The following PPP2R2B variants were observed in gnomAD, a reference collection of about 807,000 sequenced individuals.
The protein encoded by PPP2R2B is protein phosphatase 2 regulatory subunit Bbeta.
A neutral mutation model predicts 46.0 loss-of-function variants in PPP2R2B; 5 were observed. The ratio of observed to expected loss-of-function variants is 0.11; its 90% CI spans 0.06 to 0.23. The LOEUF is 0.23. Ranked by LOEUF, PPP2R2B falls within the 10% of genes least tolerant of loss-of-function variation. The pLI is 1.00. For synonymous variants in PPP2R2B, 215 were observed against 206.7 expected, an observed-to-expected ratio of 1.04 and a Z score of -0.34; for missense variants, 367 against 575.0, an observed-to-expected ratio of 0.64 and a Z score of 3.70.
intron 8 of PPP2R2B, among the ~76,000 whole-genome samples, chr5:146,594,435 G>C (rs2112778): frequency 3.3e-5 from 5 of 152,208 alleles, no homozygotes; most frequent in Non-Finnish European, 7.3e-5. Context: ...TCAGAGAGTA[G>C]TAGCCTGGGT....
At chr5:146,721,327 T>C (rs1253924533) in intron 2 of PPP2R2B, among the ~76,000 whole-genome samples, 2 of 152,220 alleles carry the variant, frequency 1.3e-5, no homozygotes, top group East Asian at 3.9e-4. Flanking sequence ...TCAGACAGCA[T>C]CTGGCCACCA....
chr5:146,978,867 C>T (rs1487654273), intron 1 of PPP2R2B, among the ~76,000 whole-genome samples: 1 of 152,032 alleles, frequency 6.6e-6, no homozygotes, highest in Admixed American at 6.6e-5. Flanking sequence ...TTTTTTAGTT[C>T]CTGTGTAATA....
Position 146,581,961 on chromosome 5 carries a change from G to A in PPP2R2B, c.*7986C>T, listed in dbSNP as rs955874067. 2 of 152,234 alleles carry A rather than the reference G, an allele frequency of 1.3e-5. No homozygotes were observed. The highest frequency in any genetic ancestry group is 1.3e-4 in the Admixed American group (2 of 15,284). The allele number at this position is 152,234 out of a possible 1,614,324, so 9.4% of individuals were successfully genotyped here. A position where few individuals can be genotyped will look rare whatever the true frequency, so the allele number is the denominator to read the frequency against. ...TATCTTATTGGAGTGAATTGGGCAT[G>A]TAGAATAAAATCCAGCATTCACTCA... On this transcript the variant is annotated 3_prime_UTR_variant, in exon 10 of 10. Transcript: ENST00000394411.
At chr5:146,675,494 T>C (rs1377249067) in intron 5 of PPP2R2B, among the ~76,000 whole-genome samples, 3 of 152,068 alleles carry the variant, frequency 2.0e-5, no homozygotes, top group African/African-American at 4.8e-5. Flanking sequence ...GAAAGGAAAA[T>C]GGCAACAATA....
Position 146,588,153 on chromosome 5 carries a change from G to A in PPP2R2B, c.*1794C>T, listed in dbSNP as rs1186319445. On this transcript the variant is annotated 3_prime_UTR_variant, in exon 10 of 10. Coordinates refer to ENST00000394411, the MANE Select transcript of PPP2R2B (RefSeq NM_181675.4). Reference sequence around the variant, plus strand: ...ACTTTACTTGAGATGCCTAAGGCGAGGCTTTCCTTGCAGGAAAAATGAGAA... The same window carrying A: ...ACTTTACTTGAGATGCCTAAGGCGAAGCTTTCCTTGCAGGAAAAATGAGAA... The A allele has an allele frequency of 6.6e-6, 1 of 152,180 alleles. No individual in the cohort carries two copies. The highest frequency in any genetic ancestry group is 1.5e-5 in the Non-Finnish European group (1 of 68,038). The allele number at this position is 152,180 out of a possible 1,614,324, so 9.4% of individuals were successfully genotyped here. A position where few individuals can be genotyped will look rare whatever the true frequency, so the allele number is the denominator to read the frequency against.
At chr5:147,071,357 AT>A (rs1757590703) in intron 2 of PPP2R2B, among the ~76,000 whole-genome samples, 1 of 152,178 alleles carries the variant, frequency 6.6e-6, no homozygotes, top group Non-Finnish European at 1.5e-5. Flanking sequence ...TGGTCCCTTA[AT>A]TGAGCTGCTG....
intron 1 of PPP2R2B, among the ~76,000 whole-genome samples, chr5:146,899,046 C>T (rs1171600749): frequency 2.0e-5 from 3 of 151,704 alleles, no homozygotes; most frequent in Non-Finnish European, 2.9e-5. Flanking sequence ...CTAGTTCAAC[C>T]ATTGTGGAAG....
chr5:146,601,522 G>C (rs1316990359), intron 7 of PPP2R2B, among the ~76,000 whole-genome samples: 1 of 152,048 alleles, frequency 6.6e-6, no homozygotes, highest in Admixed American at 6.6e-5. Context: ...CCCCAGCCTG[G>C]GCAACAGATC....
upstream of PPP2R2B, among the ~76,000 whole-genome samples, chr5:146,883,274 A>G (rs925854387): frequency 6.6e-6 from 1 of 152,166 alleles, no homozygotes; most frequent in Non-Finnish European, 1.5e-5. Flanking sequence ...TTCAGAGGTA[A>G]GGAAAGTGCT....
At chr5:147,005,309 A>C (rs572644832) in intron 1 of PPP2R2B, among the ~76,000 whole-genome samples, 2 of 151,868 alleles carry the variant, frequency 1.3e-5, no homozygotes, top group African/African-American at 2.4e-5. Context: ...TGATGTAAAC[A>C]TACTTGAAAG....
chr5:146,817,818 A>G (rs12513869), intron 2 of PPP2R2B, among the ~76,000 whole-genome samples: 29,273 of 152,176 alleles, frequency 0.19, 3,176 homozygotes, highest in East Asian at 0.44. Context: ...ACGGTCAAAT[A>G]TTTCTGCCAC....
At chr5:146,736,642 C>T (rs1428791961) in intron 2 of PPP2R2B, among the ~76,000 whole-genome samples, 1 of 152,184 alleles carries the variant, frequency 6.6e-6, no homozygotes, top group African/African-American at 2.4e-5. Flanking sequence ...CAGCACCACC[C>T]CCTTTCCTAG....
intron 1 of PPP2R2B, among the ~76,000 whole-genome samples, chr5:147,006,146 G>A (rs1035280457): frequency 2.0e-5 from 3 of 152,102 alleles, no homozygotes; most frequent in African/African-American, 7.2e-5. Context: ...GTTCCTCCCT[G>A]GAAATTAAGG....
intron 5 of PPP2R2B, among the ~76,000 whole-genome samples, chr5:146,661,831 T>C (rs768019040): frequency 1.2e-4 from 18 of 152,216 alleles, no homozygotes; most frequent in Admixed American, 5.2e-4. Flanking sequence ...GTTTCCCTGT[T>C]CACTGCCTTT....
At chr5:146,947,829 T>C (rs776414967) in intron 1 of PPP2R2B, among the ~76,000 whole-genome samples, 3 of 151,412 alleles carry the variant, frequency 2.0e-5, no homozygotes, top group Admixed American at 6.6e-5. Flanking sequence ...CATGAGTCCA[T>C]GCTTTTGCTT....
At chr5:146,886,819 T>G (rs1194847682) in intron 1 of PPP2R2B, among the ~76,000 whole-genome samples, 2 of 143,822 alleles carry the variant, frequency 1.4e-5, no homozygotes, top group East Asian at 3.9e-4. Context: ...CATTTTAAAC[T>G]TTTTTAGTAA....
At chr5:146,845,968 G>A (rs564829949) in intron 2 of PPP2R2B, among the ~76,000 whole-genome samples, 1 of 152,248 alleles carries the variant, frequency 6.6e-6, no homozygotes, top group Non-Finnish European at 1.5e-5. Flanking sequence ...TGCTGTAAGA[G>A]TAAAATATAC....
chr5:146,626,007 A>G (rs186446830), intron 7 of PPP2R2B, among the ~76,000 whole-genome samples: 57 of 152,292 alleles, frequency 3.7e-4, no homozygotes, highest in African/African-American at 1.3e-3. Context: ...AAATTGAGGA[A>G]ACATTCCCCC....
At position 146,698,147 on chromosome 5, in the gene PPP2R2B, G is replaced by A; in HGVS notation, c.169-3C>T. On this transcript the variant is annotated splice_polypyrimidine_tract_variant and splice_region_variant and intron_variant, in intron 3 of 9. Transcript: ENST00000394411. ...CTACGATGAACCTGATTTTTACTCT[G>A]TAGGAAAGGAAAAAAATACACAACA... 6.3e-7 allele frequency: 1 copy of A among 1,575,432 alleles called. No homozygotes were observed. Among genetic ancestry groups the A allele is most frequent in the East Asian group, 2.3e-5 (1 of 43,728 alleles).
Sources: gnomAD v4.1 joint callset for allele counts (sites outside exome capture counted in the v4.1 genomes callset) on GRCh38, gnomAD v4.1.1 for gene constraint, MANE v1.5 for transcripts, NCBI Gene and HGNC (gene_info 2026-07-23, HGNC 2026-07-21) for gene names.